Variants in GTF2E1 observed in about 807,000 individuals in gnomAD.
The protein encoded by GTF2E1 is TFIIE alpha subunit.
A neutral mutation model predicts 34.9 loss-of-function variants in GTF2E1; 14 were observed. The observed-to-expected ratio is 0.40, with a 90% CI of 0.27 to 0.63. GTF2E1 has a LOEUF of 0.63. Among genes scored for constraint, GTF2E1 ranks in the 20% least tolerant of loss-of-function variants. The pLI is 0.39. For missense variants in GTF2E1, 469 were observed against 557.7 expected (o/e 0.84, Z 1.60); for synonymous variants, 188 against 192.9 (o/e 0.97, Z 0.21).
intron 2 of GTF2E1, among the ~76,000 whole-genome samples, chr3:120,766,307 C>G (rs1477873882): frequency 6.6e-6 from 1 of 152,166 alleles, no homozygotes; most frequent in Non-Finnish European, 1.5e-5. Context: ...TCTCAAGCCA[C>G]TCAGGCAGAT....
At chr3:120,770,392 G>A (rs1709341811) in intron 2 of GTF2E1, among the ~76,000 whole-genome samples, 1 of 152,106 alleles carries the variant, frequency 6.6e-6, no homozygotes, top group Non-Finnish European at 1.5e-5. Context: ...GACTAAAGCT[G>A]CCAGGAAAGG....
intron 1 of GTF2E1, among the ~76,000 whole-genome samples, chr3:120,748,407 C>A (rs999439295): frequency 2.6e-5 from 4 of 152,132 alleles, no homozygotes; most frequent in African/African-American, 9.7e-5. Context: ...GTCTTTAACC[C>A]GTCTTGAATT....
At chr3:120,753,133 A>T (rs554425817) in intron 2 of GTF2E1, among the ~76,000 whole-genome samples, 6 of 150,506 alleles carry the variant, frequency 4.0e-5, no homozygotes, top group Non-Finnish European at 7.4e-5. Flanking sequence ...TTTTTTTTTT[A>T]AACTATTAAT....
At chr3:120,766,972 T>C (rs1709315057) in intron 2 of GTF2E1, among the ~76,000 whole-genome samples, 1 of 152,114 alleles carries the variant, frequency 6.6e-6, no homozygotes, top group Non-Finnish European at 1.5e-5. Context: ...ATTAAACTGG[T>C]CTTAAGTCAT....
At chr3:120,761,821 C>T (rs1290402991) in intron 2 of GTF2E1, among the ~76,000 whole-genome samples, 3 of 139,134 alleles carry the variant, frequency 2.2e-5, no homozygotes, top group Non-Finnish European at 4.5e-5. Context: ...GACGTAGTCT[C>T]GCTCTTCTGC....
chr3:120,761,292 T>C (rs1418077882), intron 2 of GTF2E1, among the ~76,000 whole-genome samples: 3 of 152,218 alleles, frequency 2.0e-5, no homozygotes, highest in Admixed American at 2.0e-4. Context: ...TTATTGCATC[T>C]ATTTGATTCT....
rs1295235953 is a variant in GTF2E1 at position 120,770,752 on chromosome 3, A to AGAGG, written c.473_474insGAGG (p.His158GlnfsTer9). ...GGAACTTTCCGCTGTACTTTTTGCCATACAGAGGTAGAAGAGGATGAATCA... is the reference window on the plus strand; with the variant it reads ...GGAACTTTCCGCTGTACTTTTTGCCAGAGGTACAGAGGTAGAAGAGGATGAATCA... On this transcript the variant is annotated frameshift_variant, in exon 3 of 5. Coordinates refer to ENST00000283875, the MANE Select transcript of GTF2E1 (RefSeq NM_005513.3). LOFTEE classifies it high-confidence loss of function. 2 of 1,613,332 alleles carry AGAGG rather than the reference A, an allele frequency of 1.2e-6. No homozygotes were observed. The highest frequency in any genetic ancestry group is 1.3e-5 in the African/African-American group (1 of 74,890).
chr3:120,773,426 A>G (rs1025385296), intron 3 of GTF2E1, among the ~76,000 whole-genome samples: 3 of 152,132 alleles, frequency 2.0e-5, no homozygotes, highest in Admixed American at 6.5e-5. Context: ...TATTAGTTTG[A>G]TTACTGATCT....
intron 1 of GTF2E1, among the ~76,000 whole-genome samples, chr3:120,747,311 T>C (rs911257035): frequency 2.6e-5 from 4 of 152,032 alleles, no homozygotes; most frequent in Non-Finnish European, 5.9e-5. Flanking sequence ...GTTAGTTACA[T>C]ATGTATACAT....
intron 4 of GTF2E1, among the ~76,000 whole-genome samples, chr3:120,777,021 T>G (rs1350651331): frequency 6.6e-6 from 1 of 152,174 alleles, no homozygotes; most frequent in Non-Finnish European, 1.5e-5. Flanking sequence ...TTTTCTGAAT[T>G]GGGAGCCAAA....
intron 2 of GTF2E1, among the ~76,000 whole-genome samples, chr3:120,756,095 T>G (rs1162628622): frequency 6.6e-6 from 1 of 152,202 alleles, no homozygotes; most frequent in South Asian, 2.1e-4. Flanking sequence ...ACATCTGATA[T>G]ACTGATTTCC....
intron 2 of GTF2E1, among the ~76,000 whole-genome samples, chr3:120,753,010 T>G (rs1003835021): frequency 2.6e-5 from 4 of 152,188 alleles, no homozygotes; most frequent in Non-Finnish European, 5.9e-5. Context: ...CATACTTGCC[T>G]TTTTATTGTA....
intron 2 of GTF2E1, among the ~76,000 whole-genome samples, chr3:120,755,067 C>T (rs1709197185): frequency 6.6e-6 from 1 of 152,068 alleles, no homozygotes; most frequent in Non-Finnish European, 1.5e-5. Context: ...AAAGACTTAG[C>T]AACAGATTTT....
At chr3:120,759,652 C>T (rs567585872) in intron 2 of GTF2E1, among the ~76,000 whole-genome samples, 42 of 152,294 alleles carry the variant, frequency 2.8e-4, no homozygotes, top group African/African-American at 8.9e-4. Flanking sequence ...CAGCTTTCTA[C>T]ATAGGGCTAG....
chr3:120,757,236 C>G (rs1445266552), intron 2 of GTF2E1, among the ~76,000 whole-genome samples: 1 of 152,034 alleles, frequency 6.6e-6, no homozygotes, highest in East Asian at 1.9e-4. Flanking sequence ...ACCTTTTGTC[C>G]CCTTTATCAT....
At chr3:120,747,744 G>A (rs540005474) in intron 1 of GTF2E1, among the ~76,000 whole-genome samples, 6 of 152,274 alleles carry the variant, frequency 3.9e-5, no homozygotes, top group East Asian at 1.9e-4. Flanking sequence ...ATGATTTATA[G>A]TCCTTTGGGT....
In GTF2E1 at chr3:120,770,799, C is replaced by G. The variant is rs781417478; in HGVS notation, c.520C>G (p.Arg174Gly). 6.2e-7 allele frequency: 1 copy of G among 1,613,416 alleles called. No homozygotes were observed. Among genetic ancestry groups the G allele is most frequent in the Non-Finnish European group, 8.5e-7 (1 of 1,179,478 alleles). ...ATCAGCAATGCCCAAAAAAGATGCA[C>G]GCACACTTTTGGCAAGGTTTAATGA... ...DESAMPKKDA[R>G]TLLARFNEQI... is the part of the protein sequence containing the mutation. The change falls in exon 3 of 5, where the codon CGC becomes GGC. Residue 174 changes from arginine to glycine, a missense_variant. By Grantham distance (125) the Arg-to-Gly change is moderately radical. Coordinates refer to ENST00000283875, the MANE Select transcript of GTF2E1 (RefSeq NM_005513.3).
intron 1 of GTF2E1, among the ~76,000 whole-genome samples, chr3:120,750,104 T>C (rs1709149816): frequency 6.6e-6 from 1 of 152,200 alleles, no homozygotes; most frequent in African/African-American, 2.4e-5. Context: ...CATCCTAGAA[T>C]CTTGGTAGAA....
chr3:120,765,497 A>C (rs890807874), intron 2 of GTF2E1, among the ~76,000 whole-genome samples: 1 of 152,184 alleles, frequency 6.6e-6, no homozygotes, highest in Non-Finnish European at 1.5e-5. Flanking sequence ...ATGTATATAC[A>C]TGGGAAAAGT....
Sources: allele counts gnomAD v4.1 joint callset (sites outside exome capture counted in the v4.1 genomes callset), GRCh38; gene constraint gnomAD v4.1.1; transcripts MANE v1.5; gene names NCBI Gene and HGNC (gene_info 2026-07-23, HGNC 2026-07-21).